Variants in CDHR3 observed in about 807,000 individuals in gnomAD.
The protein encoded by CDHR3 is cadherin related family member 3.
Under a neutral mutation model 86.6 loss-of-function variants are expected in CDHR3, and 79 were observed. The ratio of observed to expected loss-of-function variants is 0.91; its 90% CI spans 0.76 to 1.10. CDHR3 has a LOEUF of 1.10. Ranked by LOEUF, CDHR3 falls within the 50% of genes least tolerant of loss-of-function variation. The probability of loss-of-function intolerance (pLI) is 0.00; values close to 1 mark genes in which losing one functional copy is unlikely to be tolerated. For synonymous variants in CDHR3, 421 were observed against 402.4 expected (o/e 1.05, Z -0.55); for missense variants, 1,081 against 1,077.6 (o/e 1.00, Z -0.04).
At position 106,032,879 on chromosome 7, in the gene CDHR3, G is replaced by C. The variant is rs868322073; in HGVS notation, c.*182G>C. ...TAGAAAGGGGTTTGATCACATAGTT[G>C]CGTGTTCTGAAATGATACAGGAACA... On this transcript the variant is annotated 3_prime_UTR_variant, in exon 19 of 19. Transcript: ENST00000317716. The C allele has an allele frequency of 8.4e-6, 5 of 596,526 alleles. No homozygotes were observed. Among genetic ancestry groups the C allele is most frequent in the Non-Finnish European group, 1.5e-5 (5 of 342,708 alleles). The allele number at this position is 596,526 out of a possible 1,614,324, so 37.0% of individuals were successfully genotyped here. A position where few individuals can be genotyped will look rare whatever the true frequency, so the allele number is the denominator to read the frequency against.
At chr7:105,974,818 C>A in intron 1 of CDHR3, 26 bp from the exon 2 acceptor site, 1 of 1,592,120 alleles carries the variant, frequency 6.3e-7, no homozygotes, top group Non-Finnish European at 8.6e-7. Flanking sequence ...GTGTTCATGT[C>A]ATCCTGCACC....
chr7:105,988,169 A>G (rs1485600875), intron 4 of CDHR3, among the ~76,000 whole-genome samples: 1 of 152,216 alleles, frequency 6.6e-6, no homozygotes, highest in Non-Finnish European at 1.5e-5. Context: ...GATTACAGAC[A>G]TGAGCCACCA....
chr7:106,032,957 C>T lies in CDHR3; in HGVS notation c.*260C>T. 1 of 467,752 alleles carries T rather than the reference C, an allele frequency of 2.1e-6. No homozygotes were observed. The highest frequency in any genetic ancestry group is 3.6e-5 in the Admixed American group (1 of 27,706). The allele number at this position is 467,752 out of a possible 1,614,324, so 29.0% of individuals were successfully genotyped here. ...TGCTTCTGATAAGCAAGACTGTTAA[C>T]TTTGGGGTGTGGAATTGTTGTGTTT... On this transcript the variant is annotated 3_prime_UTR_variant, in exon 19 of 19. Coordinates refer to ENST00000317716, the MANE Select transcript of CDHR3 (RefSeq NM_152750.5).
intron 8 of CDHR3, 78 bp downstream of exon 8, chr7:106,004,765 C>A: frequency 7.4e-7 from 1 of 1,358,638 alleles, no homozygotes; most frequent in Non-Finnish European, 1.0e-6. Context: ...CTGGTATATT[C>A]TCAGGAGAAT....
chr7:105,977,514 C>T (rs936888682), intron 2 of CDHR3, among the ~76,000 whole-genome samples: 10 of 152,166 alleles, frequency 6.6e-5, no homozygotes, highest in South Asian at 2.1e-4. Flanking sequence ...CATCACATCC[C>T]GCAGCTGCGT....
intron 4 of CDHR3, among the ~76,000 whole-genome samples, chr7:105,988,966 C>T (rs755292248): frequency 1.6e-4 from 25 of 152,240 alleles, no homozygotes; most frequent in Admixed American, 1.0e-3. Context: ...AGATCATCTC[C>T]GTGCAGACCA....
At chr7:105,998,650 G>C (rs1453587462) in intron 6 of CDHR3, among the ~76,000 whole-genome samples, 1 of 152,130 alleles carries the variant, frequency 6.6e-6, no homozygotes, top group Non-Finnish European at 1.5e-5. Flanking sequence ...AAGTAGCCAG[G>C]CATGGTGGCT....
rs377434829 is a variant in CDHR3, at chr7:106,024,377, C to A, written c.2077-4C>A. On this transcript the variant is annotated splice_region_variant and splice_polypyrimidine_tract_variant and intron_variant, in intron 14 of 18. Coordinates refer to ENST00000317716, the MANE Select transcript of CDHR3 (RefSeq NM_152750.5). ...CTCACCCTCCCTGCTCTCTGTTGTT[C>A]AAGCCCAGGGTCACCTATCAGGTCC... 1 of 1,613,474 alleles carries A rather than the reference C, an allele frequency of 6.2e-7. No homozygotes were observed. Among genetic ancestry groups the A allele is most frequent in the Admixed American group, 1.7e-5 (1 of 60,004 alleles).
chr7:105,980,601 T>C (rs1829523208), intron 2 of CDHR3, among the ~76,000 whole-genome samples: 1 of 85,932 alleles, frequency 1.2e-5, no homozygotes, highest in Admixed American at 1.3e-4. Context: ...TTTTTTTTTT[T>C]TTTTAATTTT....
At chr7:106,005,400 G>T (rs138625575) in intron 8 of CDHR3, among the ~76,000 whole-genome samples, 17 of 152,336 alleles carry the variant, frequency 1.1e-4, no homozygotes, top group African/African-American at 3.1e-4. Flanking sequence ...AAAGCCACAT[G>T]ATTAGTACTT....
rs185491449 is a variant in CDHR3 at position 105,975,189 on chromosome 7, C to T, written c.249+143C>T. The T allele has an allele frequency of 9.4e-5, 68 of 719,616 alleles. No individual in the cohort carries two copies. The East Asian group carries it at 1.7e-3, about 18-fold the overall frequency. 44.6% of individuals were successfully genotyped at this position (719,616 alleles called of 1,614,324 possible). On this transcript the variant is annotated intron_variant, in intron 2 of 18. Coordinates refer to ENST00000317716, the MANE Select transcript of CDHR3 (RefSeq NM_152750.5). ...TAAGGTCCAGGAGTCCTGTCTGAGG[C>T]ATCCCAGGGCCTTCTGTGCTAAGAT...
intron 4 of CDHR3, 131 bp from the exon 5 acceptor site, chr7:105,994,620 T>A: frequency 1.4e-6 from 1 of 694,052 alleles, no homozygotes; most frequent in Non-Finnish European, 2.6e-6. Flanking sequence ...AACTGCTCTT[T>A]GAACCGCATC....
chr7:105,965,691 C>G (rs1027330186), intron 1 of CDHR3, among the ~76,000 whole-genome samples: 3 of 151,894 alleles, frequency 2.0e-5, no homozygotes, highest in Non-Finnish European at 4.4e-5. Context: ...GCACCTAATG[C>G]AGATTCAGTG....
chr7:106,020,932 A>T (rs1836470110), intron 13 of CDHR3, among the ~76,000 whole-genome samples: 1 of 152,186 alleles, frequency 6.6e-6, no homozygotes, highest in Non-Finnish European at 1.5e-5. Context: ...GAAAAGGGTG[A>T]ACCCCCCAAT....
intron 4 of CDHR3, 67 bp from the exon 5 acceptor site, chr7:105,994,684 C>A: frequency 9.5e-7 from 1 of 1,050,980 alleles, no homozygotes; most frequent in African/African-American, 1.6e-5. Flanking sequence ...GAAATGAGCA[C>A]ACACATCTTC....
chr7:105,964,066 A>C (rs900219361), intron 1 of CDHR3, among the ~76,000 whole-genome samples: 1 of 152,226 alleles, frequency 6.6e-6, no homozygotes, highest in Non-Finnish European at 1.5e-5. Flanking sequence ...AAATACTTAG[A>C]AGAGTGTCTG....
chr7:106,016,135 C>A (rs1284356401), intron 11 of CDHR3, 110 bp downstream of exon 11: 9 of 653,774 alleles, frequency 1.4e-5, no homozygotes, highest in Admixed American at 1.1e-4. Flanking sequence ...CTGTTTTGCA[C>A]AGTGATTCAC....
At chr7:105,974,528 A>G (rs1241764149) in intron 1 of CDHR3, among the ~76,000 whole-genome samples, 1 of 152,126 alleles carries the variant, frequency 6.6e-6, no homozygotes, top group Non-Finnish European at 1.5e-5. Flanking sequence ...AAGGTGTCAC[A>G]GTTCTCTTTC....
chr7:106,004,757 G>T (rs1273999080), intron 8 of CDHR3, 70 bp downstream of exon 8: 1 of 1,424,676 alleles, frequency 7.0e-7, no homozygotes, highest in Non-Finnish European at 9.8e-7. Flanking sequence ...CTGCTTCTCT[G>T]GTATATTCTC....
Sources: gnomAD v4.1 joint callset for allele counts (sites outside exome capture counted in the v4.1 genomes callset) on GRCh38, gnomAD v4.1.1 for gene constraint, MANE v1.5 for transcripts, NCBI Gene and HGNC (gene_info 2026-07-23, HGNC 2026-07-21) for gene names.